Variants in BABAM2 observed in about 807,000 individuals in gnomAD.
The protein encoded by BABAM2 is BRISC and BRCA1-A complex member 2.
In BABAM2, 31 loss-of-function variants were observed where a neutral mutation model predicts 54.7. The ratio of observed to expected loss-of-function variants is 0.57; its 90% CI spans 0.43 to 0.77. The LOEUF (loss-of-function observed/expected upper bound fraction) is 0.77, where lower values mean the gene tolerates loss of function less well. BABAM2 is among the 30% of genes least tolerant of loss of function. The pLI is 0.00. For synonymous variants in BABAM2, 167 were observed against 162.9 expected (o/e 1.03, Z -0.19); for missense variants, 364 against 455.8 (o/e 0.80, Z 1.83).
intron 10 of BABAM2, among the ~76,000 whole-genome samples, chr2:28,250,587 TTTTTTTTG>T (rs1448611489): frequency 6.7e-6 from 1 of 148,484 alleles, no homozygotes; most frequent in Non-Finnish European, 1.5e-5. Context: ...TTTTTTTCTT[TTTTTTTTG>T]TTTGTTTGTT....
At chr2:28,259,106 T>TTTTTTC (rs1553352395) in intron 10 of BABAM2, among the ~76,000 whole-genome samples, 10 of 109,680 alleles carry the variant, frequency 9.1e-5, no homozygotes, top group Non-Finnish European at 1.3e-4. Context: ...TTTTTTTTTT[T>TTTTTTC]CAGACTGAGT....
intron 6 of BABAM2, among the ~76,000 whole-genome samples, chr2:28,122,232 T>A (rs745489612): frequency 6.6e-6 from 1 of 152,120 alleles, no homozygotes; most frequent in Non-Finnish European, 1.5e-5. Flanking sequence ...TTTTGTATGA[T>A]GAAGTACTTA....
intron 2 of BABAM2, among the ~76,000 whole-genome samples, chr2:27,895,239 A>G (rs1049802853): frequency 1.3e-5 from 2 of 152,222 alleles, no homozygotes; most frequent in Admixed American, 6.5e-5. Context: ...AATATTGTTA[A>G]TTGTTCTACA....
intron 7 of BABAM2, among the ~76,000 whole-genome samples, chr2:28,217,676 A>T (rs948783745): frequency 2.0e-5 from 3 of 152,156 alleles, no homozygotes; most frequent in African/African-American, 4.8e-5. Flanking sequence ...TAATTTTTTT[A>T]AAGTTTTTAT....
At chr2:27,986,268 T>A (rs1170793114) in intron 3 of BABAM2, among the ~76,000 whole-genome samples, 1 of 152,160 alleles carries the variant, frequency 6.6e-6, no homozygotes, top group Admixed American at 6.6e-5. Context: ...TATTATGGAC[T>A]GGAGGGCAGC....
chr2:28,227,939 T>C (rs1380712187), intron 7 of BABAM2, among the ~76,000 whole-genome samples: 1 of 152,126 alleles, frequency 6.6e-6, no homozygotes, highest in East Asian at 1.9e-4. Flanking sequence ...AGATTATTCT[T>C]AAGCAAATAT....
rs922100172 is a variant in BABAM2 at position 27,995,773 on chromosome 2, G to T, written c.300+7686G>T. Among the ~76,000 whole-genome samples, 3 of 151,972 alleles carry T rather than the reference G, an allele frequency of 2.0e-5. No homozygotes were observed. Among genetic ancestry groups the T allele is most frequent in the Non-Finnish European group, 4.4e-5 (3 of 68,008 alleles). On this transcript the variant is annotated intron_variant, in intron 4 of 11. Transcript: ENST00000379624. The surrounding 1 kb of genome is among the most constrained non-coding windows in gnomAD (Gnocchi z 4.1). Reference sequence around the variant, plus strand: ...TTTTTTATATTTTTAGTAGAGATGGGGTTTCACCATGTTAGCCAGGATGGT... The same window carrying T: ...TTTTTTATATTTTTAGTAGAGATGGTGTTTCACCATGTTAGCCAGGATGGT...
At chr2:28,104,670 C>T (rs1667353202) in intron 6 of BABAM2, among the ~76,000 whole-genome samples, 1 of 152,056 alleles carries the variant, frequency 6.6e-6, no homozygotes, top group Non-Finnish European at 1.5e-5. Context: ...ACCATTTGAC[C>T]CAGCCATCCC....
At chr2:28,160,559 A>G (rs1672971576) in intron 7 of BABAM2, among the ~76,000 whole-genome samples, 1 of 151,990 alleles carries the variant, frequency 6.6e-6, no homozygotes, top group South Asian at 2.1e-4. Context: ...TCACACAAAT[A>G]TGGCTTTTTT....
chr2:28,026,175 GATTCCT>G (rs1194476793), intron 5 of BABAM2, among the ~76,000 whole-genome samples: 1 of 152,132 alleles, frequency 6.6e-6, no homozygotes, highest in Non-Finnish European at 1.5e-5. Flanking sequence ...ACAGCGTGGT[GATTCCT>G]CAAGAATCTA....
At position 28,260,243 on chromosome 2, in the gene BABAM2, C is replaced by T. The variant is rs188633320; in HGVS notation, c.934+15381C>T. Among the ~76,000 whole-genome samples, 1,034 of 150,780 alleles carry T rather than the reference C, an allele frequency of 6.9e-3. 14 individuals are homozygous for T. The highest frequency in any genetic ancestry group is 0.049 in the South Asian group (230 of 4,708). On this transcript the variant is annotated intron_variant, in intron 10 of 11. Coordinates refer to ENST00000379624, the MANE Select transcript of BABAM2 (RefSeq NM_199191.3). Reference sequence around the variant, plus strand: ...ATTGATCTGTGTGTCTGTGCTTTCCCTTTAAGTAGGTCTTGAAATCGTGTA... The same window carrying T: ...ATTGATCTGTGTGTCTGTGCTTTCCTTTTAAGTAGGTCTTGAAATCGTGTA...
chr2:27,917,767 A>T (rs915764294), intron 2 of BABAM2, among the ~76,000 whole-genome samples: 4 of 152,134 alleles, frequency 2.6e-5, no homozygotes, highest in African/African-American at 9.7e-5. Context: ...ATATATTTAT[A>T]GATTATAAAA....
intron 10 of BABAM2, among the ~76,000 whole-genome samples, chr2:28,296,213 T>A (rs1442823163): frequency 1.3e-5 from 2 of 152,234 alleles, no homozygotes; most frequent in African/African-American, 4.8e-5. Context: ...GCAGAGTGAC[T>A]GAAAACGTTA....
chr2:28,241,968 G>T (rs898403852), intron 9 of BABAM2, among the ~76,000 whole-genome samples: 1 of 151,316 alleles, frequency 6.6e-6, no homozygotes, highest in African/African-American at 2.4e-5. Flanking sequence ...TAGTAATGGT[G>T]GTAACGGTCA....
At chr2:27,990,843 C>A (rs1415170482) in intron 4 of BABAM2, among the ~76,000 whole-genome samples, 1 of 151,160 alleles carries the variant, frequency 6.6e-6, no homozygotes, top group African/African-American at 2.4e-5. Flanking sequence ...TTATTTAAAT[C>A]AAATCGTTTC....
At chr2:27,992,905 T>C (rs1302784674) in intron 4 of BABAM2, among the ~76,000 whole-genome samples, 1 of 152,214 alleles carries the variant, frequency 6.6e-6, no homozygotes, top group Non-Finnish European at 1.5e-5. Context: ...TGCACTTACC[T>C]GAATGGCTTG....
At chr2:27,949,706 T>C (rs1669562831) in intron 3 of BABAM2, among the ~76,000 whole-genome samples, 1 of 152,156 alleles carries the variant, frequency 6.6e-6, no homozygotes, top group Non-Finnish European at 1.5e-5. Flanking sequence ...CATTCAACTG[T>C]TTAGATATTC....
chr2:28,035,133 T>C (rs1264356101), intron 5 of BABAM2, among the ~76,000 whole-genome samples: 2 of 152,184 alleles, frequency 1.3e-5, no homozygotes, highest in Non-Finnish European at 2.9e-5. Flanking sequence ...TTTAGATATA[T>C]TGGGATGTAT....
At chr2:28,068,925 T>C (rs1402932831) in intron 6 of BABAM2, among the ~76,000 whole-genome samples, 1 of 152,218 alleles carries the variant, frequency 6.6e-6, no homozygotes, top group Non-Finnish European at 1.5e-5. Flanking sequence ...GGTGTTTTAA[T>C]GGAAAATAAG....
Sources: gnomAD v4.1 joint callset for allele counts (sites outside exome capture counted in the v4.1 genomes callset) on GRCh38, gnomAD v4.1.1 for gene constraint, Gnocchi (gnomAD v3.1) non-coding constraint, MANE v1.5 for transcripts, NCBI Gene and HGNC (gene_info 2026-07-23, HGNC 2026-07-21) for gene names.